The following HOXA10 variants were observed in gnomAD, a reference collection of about 807,000 sequenced individuals.
The protein encoded by HOXA10 is homeobox protein Hox-A10.
In HOXA10, 12 loss-of-function variants were observed where a neutral mutation model predicts 29.7. The observed-to-expected ratio is 0.40, with a 90% CI of 0.26 to 0.65. The LOEUF (loss-of-function observed/expected upper bound fraction) is 0.65, where lower values mean the gene tolerates loss of function less well. HOXA10 is among the 30% of genes least tolerant of loss of function. The probability of loss-of-function intolerance (pLI) is 0.37; values close to 1 mark genes in which losing one functional copy is unlikely to be tolerated. For missense variants in HOXA10, 656 were observed against 585.9 expected, an observed-to-expected ratio of 1.12 and a Z score of -1.24; for synonymous variants, 327 against 280.7, an observed-to-expected ratio of 1.16 and a Z score of -1.65.
chr7:27,173,925 C>T lies in HOXA10; in HGVS notation c.382G>A (p.Glu128Lys), dbSNP rs1466426830. The change falls in exon 1 of 2, where the codon GAG becomes AAG. Residue 128 changes from glutamate (E) to lysine (K), a missense_variant. Glu to Lys is a moderately conservative substitution (Grantham distance 56). This residue lies in a region of HOXA10 where 594 missense variants were observed against 491.9 expected (regional missense o/e 1.21). Coordinates refer to ENST00000283921, the MANE Select transcript of HOXA10 (RefSeq NM_018951.4). ...WLDAPRSCRM[E>K]PPDGPPPPPQ... Reference sequence around the variant, plus strand: ...GGCGGCGGCGGCCCGTCAGGCGGCTCCATCCGGCAAGACCGGGGCGCGTCT... The same window carrying T: ...GGCGGCGGCGGCCCGTCAGGCGGCTTCATCCGGCAAGACCGGGGCGCGTCT... The T allele has an allele frequency of 1.3e-6, 2 of 1,522,564 alleles. No individual in the cohort carries two copies. Among genetic ancestry groups the T allele is most frequent in the East Asian group, 5.1e-5 (2 of 39,462 alleles). The allele number at this position is 1,522,564 out of a possible 1,614,324, so 94.3% of individuals were successfully genotyped here.
chr7:27,178,480 C>G (rs1223943120), upstream of HOXA10, among the ~76,000 whole-genome samples: 1 of 152,206 alleles, frequency 6.6e-6, no homozygotes, highest in Admixed American at 6.5e-5. Context: ...AGTGTTGGGG[C>G]CTTTTCACAC....
At chr7:27,177,298 C>T (rs1783669735), upstream of HOXA10, among the ~76,000 whole-genome samples, 1 of 152,188 alleles carries the variant, frequency 6.6e-6, no homozygotes, top group Non-Finnish European at 1.5e-5. Flanking sequence ...TGTAATAAAC[C>T]AAACGGGATG....
upstream of HOXA10, among the ~76,000 whole-genome samples, chr7:27,175,639 C>A (rs1783641025): frequency 6.6e-6 from 1 of 152,190 alleles, no homozygotes; most frequent in Admixed American, 6.5e-5. Flanking sequence ...TCATGCTAGT[C>A]TCAGGAAATG....
chr7:27,172,258 A>C, intron 1 of HOXA10, 85 bp from the exon 2 acceptor site: 1 of 1,346,984 alleles, frequency 7.4e-7, no homozygotes, highest in South Asian at 1.2e-5. Flanking sequence ...CGTTTCTCCC[A>C]TAAGAGAGAT....
In HOXA10 at chr7:27,174,131, G is replaced by T; in HGVS notation, c.176C>A (p.Ala59Asp). 2.5e-6 allele frequency: 4 copies of T among 1,592,724 alleles called. No individual in the cohort carries two copies. The highest frequency in any genetic ancestry group is 2.5e-6 in the Non-Finnish European group (3 of 1,177,538). The change falls in exon 1 of 2, where the codon GCC becomes GAC. Residue 59 changes from alanine (A) to aspartate (D), a missense_variant. By Grantham distance (126) the Ala-to-Asp change is moderately radical (BLOSUM62 -2). Transcript: ENST00000283921. Reference protein sequence around the residue: ...AGGGGGGGYYAHGGVYLPPAA... With the variant: ...AGGGGGGGYYDHGGVYLPPAA... ...GGGCGGCAGGTAGACCCCGCCGTGGGCGTAGTAACCGCCACCGCCGCCGCC... is the reference window on the plus strand; with the variant it reads ...GGGCGGCAGGTAGACCCCGCCGTGGTCGTAGTAACCGCCACCGCCGCCGCC...
At chr7:27,174,507 C>T (rs1463203981), upstream of HOXA10, among the ~76,000 whole-genome samples, 3 of 152,244 alleles carry the variant, frequency 2.0e-5, no homozygotes, top group African/African-American at 7.2e-5. Flanking sequence ...AGACGCACCC[C>T]GACACCTTGG....
upstream of HOXA10, chr7:27,174,559 G>C (rs1389333800): frequency 2.8e-5 from 17 of 599,914 alleles, no homozygotes; most frequent in Non-Finnish European, 4.2e-5. Context: ...AACGTGGCTG[G>C]TGGGGGGCCT....
chr7:27,173,984 T>C lies in HOXA10; in HGVS notation c.323A>G (p.His108Arg), dbSNP rs1291984605. 2.6e-6 allele frequency: 4 copies of C among 1,526,852 alleles called. No individual in the cohort carries two copies. The South Asian group carries it at 4.8e-5, about 18-fold the overall frequency. The allele number at this position is 1,526,852 out of a possible 1,614,324, so 94.6% of individuals were successfully genotyped here. ...GGGGGLGPGA[H>R]GYGPSPIDLW... ...GTCTATGGGCGAGGGCCCGTAGCCG[T>C]GCGCCCCGGGACCTAGACCCCCGCC... The change falls in exon 1 of 2, where the codon CAC becomes CGC. Residue 108 changes from histidine to arginine, a missense_variant. His to Arg is a conservative substitution (Grantham distance 29). Transcript: ENST00000283921.
chr7:27,172,110 C>T lies in HOXA10; in HGVS notation c.1022G>A (p.Cys341Tyr), dbSNP rs1212785283. Residue 341 changes from cysteine (C) to tyrosine (Y), a missense_variant, in exon 2 of 2, where the codon TGC (cysteine) becomes TAC (tyrosine). Coordinates refer to ENST00000283921, the MANE Select transcript of HOXA10 (RefSeq NM_018951.4). ...LTAKSGRKKRCPYTKHQTLEL... is the reference protein window; with the variant it reads ...LTAKSGRKKRYPYTKHQTLEL... The stretch of plus-strand genomic sequence containing the variant: ...CAGTGTCTGGTGCTTCGTGTAGGGG[C>T]AGCGCTTCTTCCGACCACTCTTTGC... 3 of 1,613,496 alleles carry T rather than the reference C, an allele frequency of 1.9e-6. No homozygotes were observed. The highest frequency in any genetic ancestry group is 2.2e-5 in the South Asian group (2 of 91,066).
chr7:27,172,234 G>T, intron 1 of HOXA10, 61 bp from the exon 2 acceptor site: 1 of 1,528,336 alleles, frequency 6.5e-7, no homozygotes, highest in Non-Finnish European at 9.1e-7. Flanking sequence ...CTGCCCGCGG[G>T]GGTGAATTGC....
chr7:27,172,529 C>T, intron 1 of HOXA10: 1 of 339,554 alleles, frequency 2.9e-6, no homozygotes, highest in Non-Finnish European at 5.5e-6. Flanking sequence ...CAAGCATTTC[C>T]TGTAGCCCCC....
At chr7:27,177,490 G>A (rs941542255), upstream of HOXA10, among the ~76,000 whole-genome samples, 2 of 152,116 alleles carry the variant, frequency 1.3e-5, no homozygotes, top group Non-Finnish European at 2.9e-5. Context: ...CAAATGAGAG[G>A]ATACTAACGC....
At chr7:27,176,648 G>T (rs754307705), upstream of HOXA10, among the ~76,000 whole-genome samples, 3 of 152,240 alleles carry the variant, frequency 2.0e-5, no homozygotes, top group Non-Finnish European at 4.4e-5. Flanking sequence ...ATAATGAGCC[G>T]TGGCAGGTCA....
upstream of HOXA10, chr7:27,174,743 T>C (rs956484696): frequency 2.2e-5 from 4 of 185,114 alleles, no homozygotes; most frequent in African/African-American, 9.6e-5. Flanking sequence ...CGGTGTACTC[T>C]AACCACTGAA....
At chr7:27,175,935 G>T (rs1783648504), upstream of HOXA10, among the ~76,000 whole-genome samples, 1 of 152,250 alleles carries the variant, frequency 6.6e-6, no homozygotes, top group South Asian at 2.1e-4. Flanking sequence ...AAAGCGCAGA[G>T]AGAGCTGGCT....
In HOXA10 at chr7:27,173,847, C is replaced by T. The variant is rs1266309611; in HGVS notation, c.460G>A (p.Ala154Thr). 1 of 1,608,512 alleles carries T rather than the reference C, an allele frequency of 6.2e-7. No individual in the cohort carries two copies. ...PPQPPQPAPQ[A>T]TSCSFAQNIK... ...TTCTGCGCGAAAGAGCACGAGGTGG[C>T]CTGCGGCGCTGGCTGGGGTGGTTGC... Residue 154 changes from alanine (A) to threonine (T), a missense_variant, in exon 1 of 2, where the codon GCC becomes ACC. Physicochemically the swap from Ala to Thr is moderately conservative, Grantham distance 58. This residue lies in a region of HOXA10 where 594 missense variants were observed against 491.9 expected (regional missense o/e 1.21). Coordinates refer to ENST00000283921, the MANE Select transcript of HOXA10 (RefSeq NM_018951.4).
At chr7:27,174,729 T>TGTACTCTAA (rs1312925644), upstream of HOXA10, 23 of 214,324 alleles carry the variant, frequency 1.1e-4, no homozygotes, top group Non-Finnish European at 1.7e-4. Flanking sequence ...CTGCCACTAG[T>TGTACTCTAA]CCCCGGTGTA....
In HOXA10 at chr7:27,173,940, G is replaced by C. The variant is rs753388180; in HGVS notation, c.367C>G (p.Arg123Gly). The part of the protein sequence containing the change: ...SPIDLWLDAP[R>G]SCRMEPPDGP... The stretch of plus-strand genomic sequence containing the variant: ...TCAGGCGGCTCCATCCGGCAAGACC[G>C]GGGCGCGTCTAGCCACAGGTCTATG... The change falls in exon 1 of 2, where the codon CGG (arginine) becomes GGG (glycine). Residue 123 changes from arginine (R) to glycine (G), a missense_variant. Physicochemically the swap from Arg to Gly is moderately radical, Grantham distance 125. Coordinates refer to ENST00000283921, the MANE Select transcript of HOXA10 (RefSeq NM_018951.4). 1.7e-5 allele frequency: 26 copies of C among 1,524,594 alleles called. No individual in the cohort carries two copies. The highest frequency in any genetic ancestry group is 2.1e-5 in the Non-Finnish European group (24 of 1,138,624). 94.4% of individuals were successfully genotyped at this position (1,524,594 alleles called of 1,614,324 possible).
upstream of HOXA10, among the ~76,000 whole-genome samples, chr7:27,176,966 C>T (rs1212176131): frequency 6.6e-6 from 1 of 152,186 alleles, no homozygotes; most frequent in Non-Finnish European, 1.5e-5. Context: ...CCAGAGTCCC[C>T]CAGTGTCCTG....
Sources: gnomAD v4.1 joint callset for allele counts (sites outside exome capture counted in the v4.1 genomes callset) on GRCh38, gnomAD v4.1.1 for gene constraint, gnomAD v4.1.1 regional missense constraint, MANE v1.5 for transcripts, NCBI Gene and HGNC (gene_info 2026-07-23, HGNC 2026-07-21) for gene names.